The following CTNND2 variants were observed in gnomAD, a reference collection of about 807,000 sequenced individuals.
CTNND2 encodes catenin delta-2.
A neutral mutation model predicts 144.4 loss-of-function variants in CTNND2; 22 were observed. The observed-to-expected ratio is 0.15, with a 90% CI of 0.11 to 0.22. The LOEUF (loss-of-function observed/expected upper bound fraction) is 0.22. CTNND2 is among the 10% of genes least tolerant of loss of function. The pLI is 1.00. For synonymous variants in CTNND2, 751 were observed against 695.6 expected, an observed-to-expected ratio of 1.08 and a Z score of -1.25; for missense variants, 1,353 against 1,618.8, an observed-to-expected ratio of 0.84 and a Z score of 2.82.
At chr5:11,547,398 T>C (rs1051319199) in intron 3 of CTNND2, among the ~76,000 whole-genome samples, 8 of 152,012 alleles carry the variant, frequency 5.3e-5, no homozygotes, top group African/African-American at 1.7e-4. Flanking sequence ...ATTCTGAAAA[T>C]TGTTTAAATA....
intron 3 of CTNND2, among the ~76,000 whole-genome samples, chr5:11,458,661 C>G (rs1765938803): frequency 6.6e-6 from 1 of 152,180 alleles, no homozygotes; most frequent in African/African-American, 2.4e-5. Context: ...AATAGTTGCA[C>G]CCTATTGGTC....
At chr5:11,043,970 C>A (rs2149571593) in intron 16 of CTNND2, among the ~76,000 whole-genome samples, 1 of 152,234 alleles carries the variant, frequency 6.6e-6, no homozygotes, top group South Asian at 2.1e-4. Context: ...TATTTGTCTC[C>A]CTCACTAGGG....
intron 2 of CTNND2, among the ~76,000 whole-genome samples, chr5:11,648,597 C>T (rs1782482010): frequency 6.6e-6 from 1 of 152,064 alleles, no homozygotes; most frequent in South Asian, 2.1e-4. Flanking sequence ...GCCTGTTTTG[C>T]TATAAAGTTA....
At chr5:10,980,255 C>T (rs1737060833) in intron 21 of CTNND2, among the ~76,000 whole-genome samples, 1 of 152,010 alleles carries the variant, frequency 6.6e-6, no homozygotes, top group African/African-American at 2.4e-5. Context: ...ACAGACACTT[C>T]TCAAAAGAAG....
At chr5:11,853,970 T>C (rs10067055) in intron 1 of CTNND2, among the ~76,000 whole-genome samples, 105,360 of 152,068 alleles carry the variant, frequency 0.69, 36,611 homozygotes, top group South Asian at 0.78. Context: ...TTCATCAGAC[T>C]GATCCAAGTC....
chr5:11,110,707 C>T (rs1266862763), intron 14 of CTNND2, 151 bp downstream of exon 14: 6 of 718,538 alleles, frequency 8.4e-6, no homozygotes, highest in Admixed American at 2.5e-5. Context: ...ACCGTCTCAG[C>T]TGTGAAATTC....
At chr5:11,478,314 G>A (rs560084314) in intron 3 of CTNND2, among the ~76,000 whole-genome samples, 1 of 152,178 alleles carries the variant, frequency 6.6e-6, no homozygotes, top group Non-Finnish European at 1.5e-5. Flanking sequence ...TTCCAAAGCA[G>A]TTTTTGTAAT....
chr5:11,318,331 G>A (rs1751704643), intron 9 of CTNND2, among the ~76,000 whole-genome samples: 1 of 152,130 alleles, frequency 6.6e-6, no homozygotes, highest in Admixed American at 6.5e-5. Flanking sequence ...CTTTGTCCCA[G>A]GTCCTGAACG....
chr5:11,304,618 G>A (rs1035615007), intron 9 of CTNND2, among the ~76,000 whole-genome samples: 1 of 152,116 alleles, frequency 6.6e-6, no homozygotes, highest in African/African-American at 2.4e-5. Context: ...GTGGTGGGAG[G>A]GATTTTGTTC....
chr5:11,635,410 G>A (rs1053115979), intron 2 of CTNND2, among the ~76,000 whole-genome samples: 2 of 151,904 alleles, frequency 1.3e-5, no homozygotes, highest in African/African-American at 2.4e-5. Flanking sequence ...GAGGAGAAAC[G>A]GAGCTCCTTA....
At chr5:11,196,336 G>A (rs1736854158) in intron 11 of CTNND2, among the ~76,000 whole-genome samples, 1 of 152,054 alleles carries the variant, frequency 6.6e-6, no homozygotes, top group South Asian at 2.1e-4. Context: ...AATTCAAAGG[G>A]AGACCTCACC....
chr5:11,128,799 A>ATT (rs1554049757), intron 12 of CTNND2, among the ~76,000 whole-genome samples: 1 of 58,210 alleles, frequency 1.7e-5, no homozygotes, highest in African/African-American at 8.7e-5. Context: ...TATATATTAT[A>ATT]TATATACAAT....
At chr5:11,092,916 C>T (rs943888338) in intron 15 of CTNND2, among the ~76,000 whole-genome samples, 1 of 152,196 alleles carries the variant, frequency 6.6e-6, no homozygotes, top group African/African-American at 2.4e-5. Context: ...CTAAGCTATG[C>T]TAAAGTCAGT....
At position 11,432,291 on chromosome 5, in the gene CTNND2, AAG is replaced by A. The variant is rs202006340; in HGVS notation, c.288-20224_288-20223del. On this transcript the variant is annotated intron_variant, in intron 3 of 21. Transcript: ENST00000304623. ...TGAGGACATGGGCTGAAAAAAAAAA[AAG>A]AGACCCAAATTGTATGAAATTTACC... Among the ~76,000 whole-genome samples, 202 of 150,590 alleles carry A rather than the reference AAG, an allele frequency of 1.3e-3. 2 individuals carry two copies. Among genetic ancestry groups the A allele is most frequent in the African/African-American group, 5.0e-3 (199 of 40,072 alleles).
chr5:11,447,054 T>TAAC (rs1237597825), intron 3 of CTNND2, among the ~76,000 whole-genome samples: 4 of 151,462 alleles, frequency 2.6e-5, no homozygotes, highest in African/African-American at 4.8e-5. Context: ...CCTTCCCGGG[T>TAAC]AACAACAACA....
rs1406578307 is a variant in CTNND2, at chr5:11,655,231, T to C, written c.174+76905A>G. Reference sequence around the variant, plus strand: ...TACTGAACCTTAGTGGGAATGCCTCTAGTTTTTCACATGTAAGAGAGACTT... The same window carrying C: ...TACTGAACCTTAGTGGGAATGCCTCCAGTTTTTCACATGTAAGAGAGACTT... On this transcript the variant is annotated intron_variant, in intron 2 of 21. Transcript: ENST00000304623. Among the ~76,000 whole-genome samples, 3 of 152,132 alleles carry C rather than the reference T, an allele frequency of 2.0e-5. No individual in the cohort carries two copies. The East Asian group carries it at 5.8e-4, about 29-fold the overall frequency.
At chr5:11,877,276 T>C (rs1735636389) in intron 1 of CTNND2, among the ~76,000 whole-genome samples, 1 of 152,162 alleles carries the variant, frequency 6.6e-6, no homozygotes, top group Non-Finnish European at 1.5e-5. Flanking sequence ...ATTTTCCTAA[T>C]TTCTTGAGAT....
intron 9 of CTNND2, among the ~76,000 whole-genome samples, chr5:11,291,596 C>T (rs1032833367): frequency 6.6e-6 from 1 of 152,134 alleles, no homozygotes; most frequent in African/African-American, 2.4e-5. Context: ...GGGAACTAAA[C>T]TTAAAGAAAA....
At chr5:11,480,921 A>G (rs1768194518) in intron 3 of CTNND2, among the ~76,000 whole-genome samples, 1 of 152,134 alleles carries the variant, frequency 6.6e-6, no homozygotes, top group Non-Finnish European at 1.5e-5. Context: ...GTGCCCTGCC[A>G]AGCCCTGCTG....
Sources: gnomAD v4.1 joint callset for allele counts (sites outside exome capture counted in the v4.1 genomes callset) on GRCh38, gnomAD v4.1.1 for gene constraint, MANE v1.5 for transcripts, NCBI Gene and HGNC (gene_info 2026-07-23, HGNC 2026-07-21) for gene names.